The following TEX9 variants were observed in gnomAD, a reference collection of about 807,000 sequenced individuals.
TEX9 encodes testis-expressed protein 9.
In TEX9, 74 loss-of-function variants were observed where a neutral mutation model predicts 59.6. The ratio of observed to expected loss-of-function variants is 1.24; its 90% CI spans 1.03 to 1.51. The LOEUF (loss-of-function observed/expected upper bound fraction) is 1.51. TEX9 is among the 40% of genes most tolerant of loss of function. The pLI is 0.00. For missense variants in TEX9, 522 were observed against 447.8 expected, an observed-to-expected ratio of 1.17 and a Z score of -1.49; for synonymous variants, 186 against 152.2, an observed-to-expected ratio of 1.22 and a Z score of -1.64.
chr15:56,434,483 G>T, intron 12 of TEX9: 1 of 1,340,064 alleles, frequency 7.5e-7, no homozygotes, highest in Non-Finnish European at 1.0e-6. Context: ...GTTAAATTTA[G>T]TATTACAATA....
chr15:56,431,003 A>G (rs1377380539), intron 12 of TEX9, among the ~76,000 whole-genome samples: 2 of 152,298 alleles, frequency 1.3e-5, no homozygotes, highest in East Asian at 3.9e-4. Context: ...CTTACCAAAA[A>G]TACAAAAATT....
At chr15:56,297,477 T>C (rs145381681) in intron 1 of TEX9, among the ~76,000 whole-genome samples, 2 of 152,324 alleles carry the variant, frequency 1.3e-5, no homozygotes, top group African/African-American at 4.8e-5. Flanking sequence ...TAACAATAAG[T>C]ACCTAACACT....
chr15:56,246,032 A>G (rs2043845764), intron 1 of TEX9, among the ~76,000 whole-genome samples: 1 of 152,196 alleles, frequency 6.6e-6, no homozygotes, highest in Non-Finnish European at 1.5e-5. Flanking sequence ...GGGGTAACGT[A>G]TCTAAGGTCT....
chr15:56,460,003 A>ATATATATATATATATATATATATATATAT, the TEX9 span, among the ~76,000 whole-genome samples: 1 of 32,880 alleles, frequency 3.0e-5, no homozygotes, highest in African/African-American at 1.1e-4. Context: ...AAAAAAAAAA[A>ATATATATATATATATATATATATATATAT]AAAAAAATAC....
chr15:56,244,669 G>T (rs1334343354), intron 1 of TEX9, among the ~76,000 whole-genome samples: 1 of 148,716 alleles, frequency 6.7e-6, no homozygotes, highest in Non-Finnish European at 1.5e-5. Flanking sequence ...TCAAGTCGCG[G>T]CTTGTCAGGG....
At chr15:56,345,038 G>T (rs375830496) in intron 1 of TEX9, among the ~76,000 whole-genome samples, 12 of 141,494 alleles carry the variant, frequency 8.5e-5, no homozygotes, top group Non-Finnish European at 1.2e-4. Flanking sequence ...TATCTATCTG[G>T]ATATATATAT....
At chr15:56,284,689 A>C (rs1408209926) in intron 1 of TEX9, among the ~76,000 whole-genome samples, 1 of 152,088 alleles carries the variant, frequency 6.6e-6, no homozygotes, top group Non-Finnish European at 1.5e-5. Flanking sequence ...TGGCCCTACT[A>C]TCCACTATGC....
chr15:56,426,796 C>T (rs776190973), intron 10 of TEX9, among the ~76,000 whole-genome samples: 10 of 150,746 alleles, frequency 6.6e-5, no homozygotes, highest in Non-Finnish European at 1.5e-4. Context: ...ATAGATCTTC[C>T]TAAACGTAAT....
At chr15:56,306,216 A>G (rs1593453) in intron 1 of TEX9, among the ~76,000 whole-genome samples, 129,955 of 144,780 alleles carry the variant, frequency 0.9, 58,810 homozygotes, top group East Asian at 1. Context: ...ACTAGAAATA[A>G]AACTACCAGC....
At chr15:56,276,797 G>A (rs1376245143) in intron 1 of TEX9, among the ~76,000 whole-genome samples, 1 of 152,230 alleles carries the variant, frequency 6.6e-6, no homozygotes, top group Non-Finnish European at 1.5e-5. Flanking sequence ...CCTACCAACA[G>A]TGTAAAAGCG....
chr15:56,300,717 G>GAGAGAGAGAGAA (rs2045336697), intron 1 of TEX9, among the ~76,000 whole-genome samples: 2 of 145,796 alleles, frequency 1.4e-5, no homozygotes, highest in African/African-American at 5.1e-5. Flanking sequence ...GGGAGAGAGA[G>GAGAGAGAGAGAA]AGAGAGAGAG....
At chr15:56,326,641 A>C (rs1203608115) in intron 1 of TEX9, among the ~76,000 whole-genome samples, 1 of 152,166 alleles carries the variant, frequency 6.6e-6, no homozygotes, top group Non-Finnish European at 1.5e-5. Flanking sequence ...AAAATAATCC[A>C]GCCAATGAAA....
At chr15:56,403,144 G>A (rs2048884967) in intron 9 of TEX9, among the ~76,000 whole-genome samples, 1 of 152,190 alleles carries the variant, frequency 6.6e-6, no homozygotes, top group Non-Finnish European at 1.5e-5. Context: ...GGGCCATCAG[G>A]CAAGAGAAAG....
At chr15:56,446,472 T>C (rs1302448606), downstream of TEX9, among the ~76,000 whole-genome samples, 2 of 151,954 alleles carry the variant, frequency 1.3e-5, no homozygotes, top group African/African-American at 4.8e-5. Context: ...TACATAAAAT[T>C]ATCAAGTAGT....
At chr15:56,444,636 T>C in intron 12 of TEX9, 1 of 1,612,300 alleles carries the variant, frequency 6.2e-7, no homozygotes, top group Non-Finnish European at 8.5e-7. Flanking sequence ...TCTCTTGTGT[T>C]CTTCCATCAT....
chr15:56,381,271 G>A (rs1234752901), intron 3 of TEX9, among the ~76,000 whole-genome samples: 13 of 152,112 alleles, frequency 8.5e-5, no homozygotes, highest in Admixed American at 5.2e-4. Context: ...CAATCTGTTC[G>A]TTAAATTTAT....
rs2682007 is a variant in TEX9, at chr15:56,303,339, T to C, written c.-107+59061T>C. On this transcript the variant is annotated intron_variant, in intron 1 of 5. Transcript: ENST00000560827. ...ACACGTCTTTAAAAATTCAGAAAAATTGAAATAATATCAAGTATCTGACCA... is the reference window on the plus strand; with the variant it reads ...ACACGTCTTTAAAAATTCAGAAAAACTGAAATAATATCAAGTATCTGACCA... 2.4e-4 allele frequency among the ~76,000 whole-genome samples: 37 copies of C among 152,130 alleles called. No homozygotes were observed. In the East Asian group the frequency reaches 6.8e-3, roughly 28 times the overall value.
chr15:56,301,694 G>C (rs557711557), intron 1 of TEX9, among the ~76,000 whole-genome samples: 1 of 151,766 alleles, frequency 6.6e-6, no homozygotes, highest in Non-Finnish European at 1.5e-5. Context: ...ACTATATCCA[G>C]TGAAAATATC....
intron 1 of TEX9, among the ~76,000 whole-genome samples, chr15:56,333,808 A>T (rs893765948): frequency 6.6e-6 from 1 of 152,198 alleles, no homozygotes; most frequent in Non-Finnish European, 1.5e-5. Context: ...ATTAGAAATG[A>T]TACAGTCAGT....
Sources: gnomAD v4.1 joint callset for allele counts (sites outside exome capture counted in the v4.1 genomes callset) on GRCh38, gnomAD v4.1.1 for gene constraint, MANE v1.5 for transcripts, NCBI Gene and HGNC (gene_info 2026-07-23, HGNC 2026-07-21) for gene names.